The following POLE variants were observed in gnomAD, a reference collection of about 807,000 sequenced individuals.
The protein encoded by POLE is DNA polymerase epsilon, catalytic subunit.
A neutral mutation model predicts 279.2 loss-of-function variants in POLE; 188 were observed. That is an observed-to-expected ratio of 0.67 (90% CI 0.60 to 0.76). The LOEUF (loss-of-function observed/expected upper bound fraction) is 0.76, where lower values mean the gene tolerates loss of function less well. POLE is among the 30% of genes least tolerant of loss of function. The pLI, the probability that POLE is intolerant of heterozygous loss-of-function variation, is 0.00. For synonymous variants in POLE, 1,214 were observed against 1,172.5 expected (o/e 1.04, Z -0.72); for missense variants, 2,703 against 3,016.7 (o/e 0.90, Z 2.44).
At chr12:132,631,381 G>C (rs4883626) in intron 45 of POLE, among the ~76,000 whole-genome samples, 103,993 of 152,056 alleles carry the variant, frequency 0.68, 36,701 homozygotes, top group African/African-American at 0.85. Flanking sequence ...AAAAATCACA[G>C]AACTGCACGC....
At chr12:132,650,019 T>C in intron 29 of POLE, 130 bp from the exon 30 acceptor site, 3 of 716,144 alleles carry the variant, frequency 4.2e-6, no homozygotes, top group Non-Finnish European at 6.9e-6. Context: ...GAGACCAGCC[T>C]GGGTAACAGC....
rs1060500793 is a variant in POLE at position 132,679,544 on chromosome 12, GTTC to G, written c.528_530del (p.Lys176del). 4.3e-6 allele frequency: 7 copies of G among 1,613,954 alleles called. No homozygotes were observed. The highest frequency in any genetic ancestry group is 2.2e-5 in the East Asian group (1 of 44,886). On this transcript the variant is annotated inframe_deletion, in exon 6 of 49. Coordinates refer to ENST00000320574, the MANE Select transcript of POLE (RefSeq NM_006231.4). ...CGTCGCTGGCGTGATCCTGCTCCCT[GTTC>G]TTCTTCACGGCAGGGGAGATCTCCT...
At position 132,680,022 on chromosome 12, in the gene POLE, A is replaced by C; in HGVS notation, c.355T>G (p.Phe119Val). The C allele has an allele frequency of 6.2e-7, 1 of 1,614,060 alleles. No individual in the cohort carries two copies. The change falls in exon 5 of 49, where the codon TTT becomes GTT. Residue 119 changes from phenylalanine (F) to valine (V), a missense_variant. Physicochemically the swap from Phe to Val is conservative, Grantham distance 50. This residue lies in a region of POLE where 1,011 missense variants were observed against 1,111.7 expected (regional missense o/e 0.91). Coordinates refer to ENST00000320574, the MANE Select transcript of POLE (RefSeq NM_006231.4). ...TTGCCCTGAAACTTCTTGGAGAGAA[A>C]AGATGAAACTTCTCGCTCACAACCC... Reference protein sequence around the residue: ...RKGCEREVSSFLSKKFQGKIA... With the variant: ...RKGCEREVSSVLSKKFQGKIA...
chr12:132,662,836 C>G (rs2042708956), intron 23 of POLE, among the ~76,000 whole-genome samples: 1 of 152,188 alleles, frequency 6.6e-6, no homozygotes, highest in Non-Finnish European at 1.5e-5. Flanking sequence ...CACTCCGGTC[C>G]TATGAACAAT....
At chr12:132,674,877 C>A (rs1396794007) in intron 12 of POLE, among the ~76,000 whole-genome samples, 1 of 147,996 alleles carries the variant, frequency 6.8e-6, no homozygotes, top group Non-Finnish European at 1.5e-5. Context: ...CCCTTCCCTC[C>A]TTTCCTCCCT....
At chr12:132,654,139 G>A (rs1294594555) in intron 29 of POLE, among the ~76,000 whole-genome samples, 1 of 151,102 alleles carries the variant, frequency 6.6e-6, no homozygotes, top group African/African-American at 2.4e-5. Context: ...AACAAGGATT[G>A]CCAAGGTTAC....
At position 132,648,991 on chromosome 12, in the gene POLE, G is replaced by C; in HGVS notation, c.4087C>G (p.Pro1363Ala). The change falls in exon 32 of 49, where the codon CCC (proline) becomes GCC (alanine). Residue 1363 changes from proline to alanine, a missense_variant. By Grantham distance (27) the Pro-to-Ala change is conservative. Coordinates refer to ENST00000320574, the MANE Select transcript of POLE (RefSeq NM_006231.4). ...SDLHCIRLSI[P>A]RVFYVNQRVA... ...CGCTGGTTCACGTAGAACACACGGG[G>C]GATGCTCAGCCTGATGCAGTGCAAG... 5 of 1,614,100 alleles carry C rather than the reference G, an allele frequency of 3.1e-6. No individual in the cohort carries two copies. Among genetic ancestry groups the C allele is most frequent in the Non-Finnish European group, 4.2e-6 (5 of 1,180,010 alleles).
chr12:132,634,076 C>T lies in POLE; in HGVS notation c.6004+110G>A, dbSNP rs1460570826. 2.2e-5 allele frequency: 23 copies of T among 1,027,512 alleles called. No homozygotes were observed. Among genetic ancestry groups the T allele is most frequent in the Admixed American group, 6.7e-5 (3 of 44,730 alleles). The allele number at this position is 1,027,512 out of a possible 1,614,324, so 63.6% of individuals were successfully genotyped here. A position where few individuals can be genotyped will look rare whatever the true frequency, so the allele number is the denominator to read the frequency against. The stretch of plus-strand genomic sequence containing the variant: ...TCCCAACTGCTGGGCAGGCTCCGCC[C>T]GATCTGATTTTCCCTGTCTCCCTTC... On this transcript the variant is annotated intron_variant, in intron 43 of 48. Transcript: ENST00000320574. The surrounding 1 kb of genome is among the most constrained non-coding windows in gnomAD (Gnocchi z 4.0).
intron 16 of POLE, among the ~76,000 whole-genome samples, chr12:132,669,246 C>T (rs2042869246): frequency 6.6e-6 from 1 of 152,150 alleles, no homozygotes; most frequent in African/African-American, 2.4e-5. Flanking sequence ...CAGAGGATCA[C>T]TTGAGCCCAG....
In POLE at chr12:132,675,968, C is replaced by A; in HGVS notation, c.1020+126G>T. 2 of 945,944 alleles carry A rather than the reference C, an allele frequency of 2.1e-6. No individual in the cohort carries two copies. The highest frequency in any genetic ancestry group is 2.9e-5 in the South Asian group (2 of 68,424). 58.6% of individuals were successfully genotyped at this position (945,944 alleles called of 1,614,324 possible). A position where few individuals can be genotyped will look rare whatever the true frequency, so the allele number is the denominator to read the frequency against. ...GCCCGTCTCTGGCAGAAAAGACGGT[C>A]ATACCCTGAGAACAAAGCTCATGGA... On this transcript the variant is annotated intron_variant, in intron 10 of 48. Transcript: ENST00000320574. This position sits in a 1 kb window ranked among gnomAD's most constrained non-coding sequence, Gnocchi z 4.3.
At position 132,649,677 on chromosome 12, in the gene POLE, C is replaced by T. The variant is rs755183243; in HGVS notation, c.3795G>A (p.Gln1265=). ...LGQPPALGTS[Q]EEWLVWLRFH... is the part of the protein sequence containing the mutation. ...ACAGTATCACAGCTGTGTGCCTTAC[C>T]TGGCTGGTTCCCAGGGCGGGAGGCT... is the stretch of plus-strand genomic sequence containing the variant. The change falls in exon 30 of 49, where the codon CAG becomes CAA. Residue 1265 remains glutamine, a splice_region_variant and synonymous_variant. Coordinates refer to ENST00000320574, the MANE Select transcript of POLE (RefSeq NM_006231.4). 6.2e-7 allele frequency: 1 copy of T among 1,613,840 alleles called. No homozygotes were observed. The highest frequency in any genetic ancestry group is 1.1e-5 in the South Asian group (1 of 91,070).
intron 33 of POLE, 86 bp from the exon 34 acceptor site, chr12:132,643,646 T>C (rs2138555569): frequency 6.3e-7 from 1 of 1,576,206 alleles, no homozygotes; most frequent in East Asian, 2.2e-5. Context: ...GATGTGGCTG[T>C]GCCCCTGCAG....
At position 132,642,598 on chromosome 12, in the gene POLE, C is replaced by T. The variant is rs758081094; in HGVS notation, c.4860G>A (p.Gly1620=). The T allele has an allele frequency of 1.2e-6, 2 of 1,613,568 alleles. No individual in the cohort carries two copies. Among genetic ancestry groups the T allele is most frequent in the Middle Eastern group, 1.6e-4 (1 of 6,062 alleles). ...PICVADKINY[G]VLDWQRHGAR... Reference sequence around the variant, plus strand: ...CTCCATGGCGCTGCCAGTCCAGGACCCCATAGTTGATCTTGTCAGCCACAC... The same window carrying T: ...CTCCATGGCGCTGCCAGTCCAGGACTCCATAGTTGATCTTGTCAGCCACAC... Residue 1620 remains glycine, a synonymous_variant, in exon 37 of 49, where the codon GGG becomes GGA. Transcript: ENST00000320574.
rs2042958349 is a variant in POLE at position 132,672,710 on chromosome 12, C to T, written c.1603G>A (p.Asp535Asn). 6.2e-7 allele frequency: 1 copy of T among 1,614,170 alleles called. No homozygotes were observed. The highest frequency in any genetic ancestry group is 8.5e-7 in the Non-Finnish European group (1 of 1,180,040). Residue 535 changes from aspartate to asparagine, a missense_variant, in exon 15 of 49, where the codon GAC (aspartate) becomes AAC (asparagine). This residue lies in a region of POLE where 1,011 missense variants were observed against 1,111.7 expected (regional missense o/e 0.91). Coordinates refer to ENST00000320574, the MANE Select transcript of POLE (RefSeq NM_006231.4). Reference protein sequence around the residue: ...NKLTDDGHVLDSETYVGGHVE... With the variant: ...NKLTDDGHVLNSETYVGGHVE... The stretch of plus-strand genomic sequence containing the variant: ...TGGCCCCCGACGTAGGTCTCAGAGT[C>T]CAGCACGTGTCCGTCGTCCGTCAGC...
chr12:132,678,046 C>T (rs1392885699), intron 6 of POLE, among the ~76,000 whole-genome samples: 2 of 152,008 alleles, frequency 1.3e-5, no homozygotes, highest in African/African-American at 4.8e-5. Context: ...GGCGTGGTGG[C>T]GCATGTCTGT....
chr12:132,641,230 C>T (rs1282204387), intron 39 of POLE: 1 of 379,266 alleles, frequency 2.6e-6, no homozygotes, highest in Non-Finnish European at 5.2e-6. Flanking sequence ...CTCAACCATG[C>T]TCTCCGCAGA....
intron 46 of POLE, 152 bp downstream of exon 46, chr12:132,625,965 G>A: frequency 9.2e-7 from 1 of 1,088,764 alleles, no homozygotes; most frequent in Non-Finnish European, 1.3e-6. Context: ...ATGGTGTGGG[G>A]AGGCCTGGGA....
chr12:132,685,032 G>A (rs12818561), intron 1 of POLE, among the ~76,000 whole-genome samples: 1 of 78,168 alleles, frequency 1.3e-5, no homozygotes, highest in African/African-American at 4.2e-5. Context: ...ACTGGTTACT[G>A]TATCACACAA....
intron 29 of POLE, among the ~76,000 whole-genome samples, chr12:132,655,889 A>G (rs1343785259): frequency 6.6e-6 from 1 of 152,114 alleles, no homozygotes; most frequent in African/African-American, 2.4e-5. Context: ...CCCATAAGCC[A>G]CTGGGCGCAG....
Sources: allele counts gnomAD v4.1 joint callset (sites outside exome capture counted in the v4.1 genomes callset), GRCh38; gene constraint gnomAD v4.1.1; regional missense constraint gnomAD v4.1.1; non-coding constraint Gnocchi (gnomAD v3.1); transcripts MANE v1.5; gene names NCBI Gene and HGNC (gene_info 2026-07-23, HGNC 2026-07-21).